The following KCNQ3 variants were observed in gnomAD, a reference collection of about 807,000 sequenced individuals.
KCNQ3 encodes potassium voltage-gated channel subfamily Q member 3, also known as potassium voltage-gated channel subfamily KQT member 3.
In KCNQ3, 30 loss-of-function variants were observed where a neutral mutation model predicts 92.5. That is an observed-to-expected ratio of 0.32 (90% CI 0.24 to 0.44). KCNQ3 has a LOEUF of 0.44. KCNQ3 is among the 20% of genes least tolerant of loss of function. The pLI is 1.00. For synonymous variants in KCNQ3, 450 were observed against 468.8 expected, an observed-to-expected ratio of 0.96 and a Z score of 0.52; for missense variants, 913 against 1,140.3, an observed-to-expected ratio of 0.80 and a Z score of 2.87.
At chr8:132,324,844 C>T (rs1276517732) in intron 1 of KCNQ3, among the ~76,000 whole-genome samples, 1 of 152,152 alleles carries the variant, frequency 6.6e-6, no homozygotes, top group Admixed American at 6.5e-5. Context: ...CGGTTGCCAT[C>T]ATAATGTGCT....
At chr8:132,352,957 C>G (rs1215418586) in intron 1 of KCNQ3, among the ~76,000 whole-genome samples, 1 of 152,148 alleles carries the variant, frequency 6.6e-6, no homozygotes, top group Non-Finnish European at 1.5e-5. Flanking sequence ...GTGAAGCACA[C>G]AAAGTAGGAT....
At chr8:132,184,467 CT>C in intron 2 of KCNQ3, 100 bp from the exon 3 acceptor site, 1 of 1,213,212 alleles carries the variant, frequency 8.2e-7, no homozygotes, top group Non-Finnish European at 1.1e-6. Context: ...CCATTTTGTG[CT>C]GTTGCTGGTT....
intron 12 of KCNQ3, among the ~76,000 whole-genome samples, chr8:132,135,165 C>T (rs373146777): frequency 1.3e-5 from 2 of 152,280 alleles, no homozygotes; most frequent in Admixed American, 6.5e-5. Flanking sequence ...AGTGAGAACA[C>T]GCTGTATATG....
intron 1 of KCNQ3, among the ~76,000 whole-genome samples, chr8:132,238,048 G>C (rs1814872562): frequency 6.6e-6 from 1 of 152,114 alleles, no homozygotes; most frequent in Non-Finnish European, 1.5e-5. Flanking sequence ...AGACAGCTCT[G>C]GCACAGAAAG....
Position 132,480,343 on chromosome 8 carries a change from C to T in KCNQ3, c.190G>A (p.Asp64Asn). Residue 64 changes from aspartate to asparagine, a missense_variant, in exon 1 of 15, where the codon GAC becomes AAC. By Grantham distance (23) the Asp-to-Asn change is conservative. Coordinates refer to ENST00000388996, the MANE Select transcript of KCNQ3 (RefSeq NM_004519.4). ...CCGCCCTCCAGCAGCAGGGTCCCGT[C>T]TTTGTCGGCTCCGGCCCCGAGCGCC... ...TLALGAGADK[D>N]GTLLLEGGGR... 1 of 1,597,520 alleles carries T rather than the reference C, an allele frequency of 6.3e-7. No homozygotes were observed. The highest frequency in any genetic ancestry group is 8.5e-7 in the Non-Finnish European group (1 of 1,175,274).
intron 1 of KCNQ3, among the ~76,000 whole-genome samples, chr8:132,316,475 A>T (rs1817746852): frequency 6.6e-6 from 1 of 152,226 alleles, no homozygotes; most frequent in Non-Finnish European, 1.5e-5. Flanking sequence ...TCTCATTAGT[A>T]AAGCAGGAAA....
intron 1 of KCNQ3, among the ~76,000 whole-genome samples, chr8:132,209,533 AC>A (rs1360147678): frequency 1.4e-5 from 2 of 145,222 alleles, no homozygotes; most frequent in Non-Finnish European, 3.0e-5. Context: ...TTCACACCAC[AC>A]ACACACACAA....
intron 1 of KCNQ3, among the ~76,000 whole-genome samples, chr8:132,264,132 T>C (rs555716537): frequency 6.6e-6 from 1 of 152,346 alleles, no homozygotes; most frequent in East Asian, 1.9e-4. Flanking sequence ...GGGATTCAAA[T>C]TCAGGTTTGT....
At chr8:132,396,372 A>T (rs1432969833) in intron 1 of KCNQ3, among the ~76,000 whole-genome samples, 3 of 152,102 alleles carry the variant, frequency 2.0e-5, no homozygotes, top group Non-Finnish European at 4.4e-5. Context: ...TTATACTGCA[A>T]AGAAAAAAAC....
chr8:132,178,341 C>A (rs1826638074), intron 4 of KCNQ3, among the ~76,000 whole-genome samples: 1 of 152,214 alleles, frequency 6.6e-6, no homozygotes, highest in Non-Finnish European at 1.5e-5. Flanking sequence ...AAAAATAAAA[C>A]ACAGATGGCA....
intron 12 of KCNQ3, among the ~76,000 whole-genome samples, chr8:132,136,172 A>G (rs909418887): frequency 2.0e-5 from 3 of 150,400 alleles, no homozygotes; most frequent in African/African-American, 7.4e-5. Context: ...ATGGAGAATT[A>G]CACCTCCAAG....
chr8:132,286,505 A>G (rs1266449149), intron 1 of KCNQ3, among the ~76,000 whole-genome samples: 1 of 152,188 alleles, frequency 6.6e-6, no homozygotes, highest in Non-Finnish European at 1.5e-5. Context: ...GTATTTTAGA[A>G]GTAGACAACT....
At position 132,269,668 on chromosome 8, in the gene KCNQ3, G is replaced by C. The variant is rs187353572; in HGVS notation, c.387-83487C>G. ...CTTCATATCAGAGAGAAATTACCGT[G>C]TAGTTTAAACCACTGCTGTGACAGC... On this transcript the variant is annotated intron_variant, in intron 1 of 14. Transcript: ENST00000388996. 1.6e-4 allele frequency among the ~76,000 whole-genome samples: 24 copies of C among 152,268 alleles called. No individual in the cohort carries two copies. In the East Asian group the frequency reaches 4.4e-3, roughly 28 times the overall value.
At chr8:132,324,600 C>T (rs1817987589) in intron 1 of KCNQ3, among the ~76,000 whole-genome samples, 1 of 152,180 alleles carries the variant, frequency 6.6e-6, no homozygotes, top group African/African-American at 2.4e-5. Flanking sequence ...AATGACCAAG[C>T]AGAATTTCCT....
chr8:132,196,399 T>A (rs574878059), intron 1 of KCNQ3, among the ~76,000 whole-genome samples: 1 of 152,312 alleles, frequency 6.6e-6, no homozygotes, highest in Non-Finnish European at 1.5e-5. Flanking sequence ...TATCTCCTCA[T>A]AGAATCCACC....
intron 1 of KCNQ3, among the ~76,000 whole-genome samples, chr8:132,307,419 A>G (rs1817460174): frequency 6.6e-6 from 1 of 152,238 alleles, no homozygotes; most frequent in African/African-American, 2.4e-5. Flanking sequence ...GGAAAAGTAG[A>G]GGTAAAGTAA....
At chr8:132,457,273 T>C (rs771322257) in intron 1 of KCNQ3, among the ~76,000 whole-genome samples, 5 of 152,164 alleles carry the variant, frequency 3.3e-5, no homozygotes, top group African/African-American at 4.8e-5. Context: ...CATAATAGCT[T>C]CTCCACTGAG....
At chr8:132,292,334 T>C (rs1816883535) in intron 1 of KCNQ3, among the ~76,000 whole-genome samples, 1 of 152,202 alleles carries the variant, frequency 6.6e-6, no homozygotes, top group Admixed American at 6.5e-5. Flanking sequence ...TATGTAATTC[T>C]CATCCAATCT....
chr8:132,160,270 A>C (rs1825944166), intron 9 of KCNQ3, among the ~76,000 whole-genome samples: 1 of 152,224 alleles, frequency 6.6e-6, no homozygotes. Context: ...CATGACAGCC[A>C]CCTGTGTTGC....
Sources: gnomAD v4.1 joint callset for allele counts (sites outside exome capture counted in the v4.1 genomes callset) on GRCh38, gnomAD v4.1.1 for gene constraint, MANE v1.5 for transcripts, NCBI Gene and HGNC (gene_info 2026-07-23, HGNC 2026-07-21) for gene names.